DCC: variants seen among roughly 807,000 people sequenced by gnomAD.
DCC encodes the protein netrin receptor DCC.
A neutral mutation model predicts 172.5 loss-of-function variants in DCC; 58 were observed. That is an observed-to-expected ratio of 0.34 (90% CI 0.27 to 0.42). The LOEUF (loss-of-function observed/expected upper bound fraction) is 0.42, where lower values mean the gene tolerates loss of function less well. Among genes scored for constraint, DCC ranks in the 10% least tolerant of loss-of-function variants. DCC has a pLI of 1.00. For synonymous variants in DCC, 709 were observed against 644.5 expected (o/e 1.10, Z -1.52); for missense variants, 1,740 against 1,791.0 (o/e 0.97, Z 0.51).
intron 5 of DCC, among the ~76,000 whole-genome samples, chr18:53,026,380 T>C (rs1446381955): frequency 2.0e-5 from 3 of 152,124 alleles, no homozygotes; most frequent in Non-Finnish European, 4.4e-5. Context: ...AGTTATGTTA[T>C]AGAGCATTGT....
chr18:52,918,839 T>A (rs1030159012), intron 3 of DCC, among the ~76,000 whole-genome samples: 1 of 152,030 alleles, frequency 6.6e-6, no homozygotes, highest in African/African-American at 2.4e-5. Flanking sequence ...AATAACAAAG[T>A]TATTTGGTAT....
chr18:53,433,056 T>C (rs1228023763), intron 21 of DCC, among the ~76,000 whole-genome samples: 1 of 152,138 alleles, frequency 6.6e-6, no homozygotes, highest in Non-Finnish European at 1.5e-5. Context: ...TTTTGTGATA[T>C]TAATCTAATT....
intron 7 of DCC, among the ~76,000 whole-genome samples, chr18:53,156,528 A>G (rs1286129554): frequency 3.3e-5 from 5 of 151,916 alleles, no homozygotes; most frequent in Non-Finnish European, 7.4e-5. Flanking sequence ...CCATTTTTTA[A>G]TACATAAGAA....
At chr18:52,437,778 T>C (rs907270028) in intron 1 of DCC, among the ~76,000 whole-genome samples, 1 of 152,212 alleles carries the variant, frequency 6.6e-6, no homozygotes, top group Non-Finnish European at 1.5e-5. Context: ...GTCTTGGCTA[T>C]ATGGAACAGG....
chr18:52,385,922 T>A (rs1985780565), intron 1 of DCC, among the ~76,000 whole-genome samples: 1 of 152,074 alleles, frequency 6.6e-6, no homozygotes, highest in African/African-American at 2.4e-5. Context: ...TAGAAAATAA[T>A]ATTTGTTTGG....
chr18:53,074,563 T>C (rs1025520559), intron 7 of DCC, among the ~76,000 whole-genome samples: 3 of 152,192 alleles, frequency 2.0e-5, no homozygotes, highest in Non-Finnish European at 4.4e-5. Context: ...ATTCAATAAA[T>C]TGTAAAATTA....
chr18:53,391,957 C>T, intron 17 of DCC, 70 bp downstream of exon 17: 1 of 899,398 alleles, frequency 1.1e-6, no homozygotes, highest in Non-Finnish European at 1.8e-6. Flanking sequence ...TTTTAAACCT[C>T]TCCTGGACTG....
chr18:52,627,189 A>G (rs2034591167), intron 1 of DCC, among the ~76,000 whole-genome samples: 1 of 152,206 alleles, frequency 6.6e-6, no homozygotes, highest in African/African-American at 2.4e-5. Flanking sequence ...TACATCCTTC[A>G]TAGCACTTTT....
chr18:52,774,937 A>G (rs1265326752), intron 2 of DCC, among the ~76,000 whole-genome samples: 1 of 152,214 alleles, frequency 6.6e-6, no homozygotes, highest in African/African-American at 2.4e-5. Context: ...AAAGAAAGTG[A>G]TAAGAGCCAT....
intron 7 of DCC, among the ~76,000 whole-genome samples, chr18:53,141,951 C>A (rs9956477): frequency 0.24 from 36,822 of 152,120 alleles, 5,961 homozygotes; most frequent in African/African-American, 0.47. Flanking sequence ...GAAACAAACC[C>A]TGTCCAACAT....
At chr18:52,934,611 C>T (rs1410595552) in intron 5 of DCC, among the ~76,000 whole-genome samples, 2 of 152,096 alleles carry the variant, frequency 1.3e-5, no homozygotes, top group Non-Finnish European at 2.9e-5. Context: ...TCATTGACCA[C>T]TGCAATGGAC....
intron 2 of DCC, among the ~76,000 whole-genome samples, chr18:52,798,550 T>TAAAA (rs553222827): frequency 0.037 from 5,629 of 151,870 alleles, 178 homozygotes; most frequent in South Asian, 0.15. Flanking sequence ...TTTTCTTTGT[T>TAAAA]AAAAAATAAA....
At position 52,429,285 on chromosome 18, in the gene DCC, T is replaced by A. The variant is rs543598248; in HGVS notation, c.91+88407T>A. 2.3e-4 allele frequency among the ~76,000 whole-genome samples: 35 copies of A among 152,244 alleles called. 1 individual carries two copies. The highest frequency in any genetic ancestry group is 1.8e-3 in the Admixed American group (27 of 15,258). ...GAAACTGAGGCTCAGGCAAGTTGTA[T>A]AAATTGCATCGAAGTACACAGCTGG... On this transcript the variant is annotated intron_variant, in intron 1 of 28. Coordinates refer to ENST00000442544, the MANE Select transcript of DCC (RefSeq NM_005215.4).
chr18:52,760,114 T>C (rs2145147004), intron 2 of DCC, among the ~76,000 whole-genome samples: 1 of 152,160 alleles, frequency 6.6e-6, no homozygotes, highest in Non-Finnish European at 1.5e-5. Flanking sequence ...AGGAAAGAGG[T>C]TTAATTGACT....
chr18:53,125,600 T>C (rs2144301636), intron 7 of DCC, among the ~76,000 whole-genome samples: 1 of 152,218 alleles, frequency 6.6e-6, no homozygotes, highest in East Asian at 1.9e-4. Context: ...CCAGCGATTT[T>C]CCAGGCCAAA....
intron 1 of DCC, among the ~76,000 whole-genome samples, chr18:52,499,054 C>T (rs2030917830): frequency 6.6e-6 from 1 of 152,130 alleles, no homozygotes; most frequent in Admixed American, 6.6e-5. Context: ...CCATGATGTC[C>T]CATTGTCACT....
chr18:53,319,895 G>C (rs937180817), intron 13 of DCC, among the ~76,000 whole-genome samples: 4 of 152,078 alleles, frequency 2.6e-5, no homozygotes, highest in African/African-American at 9.7e-5. Context: ...TACCTTCACA[G>C]TAATACCTCA....
intron 1 of DCC, among the ~76,000 whole-genome samples, chr18:52,660,253 G>A (rs775723634): frequency 1.3e-5 from 2 of 152,070 alleles, no homozygotes; most frequent in Non-Finnish European, 2.9e-5. Context: ...TTATTTGCCT[G>A]ACAGCAAAAG....
chr18:52,910,808 G>A (rs950930847), intron 3 of DCC, among the ~76,000 whole-genome samples: 18 of 152,190 alleles, frequency 1.2e-4, no homozygotes, highest in Admixed American at 9.2e-4. Context: ...ATGACTCTGA[G>A]TCCTGTATAG....
Sources: gnomAD v4.1 joint callset for allele counts (sites outside exome capture counted in the v4.1 genomes callset) on GRCh38, gnomAD v4.1.1 for gene constraint, MANE v1.5 for transcripts, NCBI Gene and HGNC (gene_info 2026-07-23, HGNC 2026-07-21) for gene names.